The following MUTYH variants were observed in gnomAD, a reference collection of about 807,000 sequenced individuals.
MUTYH encodes adenine DNA glycosylase.
A neutral mutation model predicts 72.9 loss-of-function variants in MUTYH; 64 were observed. That is an observed-to-expected ratio of 0.88 (90% CI 0.72 to 1.08). The LOEUF is 1.08. Among genes scored for constraint, MUTYH ranks in the 50% least tolerant of loss-of-function variants. MUTYH has a pLI of 0.00. For missense variants in MUTYH, 633 were observed against 671.0 expected, an observed-to-expected ratio of 0.94 and a Z score of 0.63; for synonymous variants, 234 against 263.1, an observed-to-expected ratio of 0.89 and a Z score of 1.07.
rs151196169 is a variant in MUTYH at position 45,329,341 on chromosome 1, T to A, written c.1531A>T (p.Thr511Ser). Residue 511 changes from threonine to serine, a missense_variant, in exon 16 of 16, where the codon ACT becomes TCT. Transcript: ENST00000456914. ...GCACTGTTGAGGCTGTGTGCATCAG[T>A]GGAGATGTGAGACCGAAAGAAATTA... ...LDNFFRSHIS[T>S]DAHSLNSAAQ 6.2e-7 allele frequency: 1 copy of A among 1,614,108 alleles called. No individual in the cohort carries two copies. Among genetic ancestry groups the A allele is most frequent in the South Asian group, 1.1e-5 (1 of 91,084 alleles).
At chr1:45,329,458 G>T in intron 15 of MUTYH, 21 bp from the exon 16 acceptor site, 1 of 1,613,654 alleles carries the variant, frequency 6.2e-7, no homozygotes, top group South Asian at 1.1e-5. Flanking sequence ...ATGGAAGGAG[G>T]GAGGCCTTGT....
chr1:45,338,387 CTGTT>C (rs1157651118), intron 1 of MUTYH: 15 of 451,750 alleles, frequency 3.3e-5, no homozygotes, highest in African/African-American at 2.9e-4. Context: ...TCCATTTCCT[CTGTT>C]TGGACTCTTT....
chr1:45,331,241 C>T lies in MUTYH; in HGVS notation c.1333G>A (p.Ala445Thr), dbSNP rs192816572. 1.4e-4 allele frequency: 231 copies of T among 1,614,224 alleles called. No individual in the cohort carries two copies. Among genetic ancestry groups the T allele is most frequent in the Non-Finnish European group, 1.9e-4 (221 of 1,180,056 alleles). Residue 445 changes from alanine (A) to threonine (T), a missense_variant, in exon 14 of 16, where the codon GCT becomes ACT. By Grantham distance (58) the Ala-to-Thr change is moderately conservative (BLOSUM62 0). Transcript: ENST00000456914. ...AATTCCTCCTGCGTCAGCCAGCGAG[C>T]ACCTGGTGGTACGGTGGTCACTGGG... Reference protein sequence around the residue: ...QTPVTTVPPGARWLTQEEFHT... With the variant: ...QTPVTTVPPGTRWLTQEEFHT...
chr1:45,334,541 C>A, intron 1 of MUTYH, 30 bp from the exon 2 acceptor site: 3 of 1,613,738 alleles, frequency 1.9e-6, no homozygotes, highest in South Asian at 1.1e-5. Flanking sequence ...CCAAAGCAGT[C>A]AGTCACAATG....
Position 45,331,321 on chromosome 1 carries a change from A to T in MUTYH, c.1253T>A (p.Phe418Tyr), listed in dbSNP as rs775654698. 1 of 1,614,154 alleles carries T rather than the reference A, an allele frequency of 6.2e-7. No individual in the cohort carries two copies. Among genetic ancestry groups the T allele is most frequent in the Non-Finnish European group, 8.5e-7 (1 of 1,180,024 alleles). Residue 418 changes from phenylalanine (F) to tyrosine (Y), a missense_variant, in exon 14 of 16, where the codon TTC becomes TAC. Physicochemically the swap from Phe to Tyr is conservative, Grantham distance 22. Transcript: ENST00000456914. ...TTGATATGTCAGCTTGATGTGAGAGAAGGTGTGGACAACCTGGAGGAAGGG... is the reference window on the plus strand; with the variant it reads ...TTGATATGTCAGCTTGATGTGAGAGTAGGTGTGGACAACCTGGAGGAAGGG... ...LRHLGEVVHT[F>Y]SHIKLTYQVY...
chr1:45,335,371 C>T (rs1031310955), intron 1 of MUTYH, among the ~76,000 whole-genome samples: 1 of 152,118 alleles, frequency 6.6e-6, no homozygotes, highest in Non-Finnish European at 1.5e-5. Context: ...AAAATGCAGT[C>T]CCTGCTAAGC....
intron 1 of MUTYH, among the ~76,000 whole-genome samples, chr1:45,337,922 T>C (rs1022951732): frequency 4.6e-5 from 7 of 152,080 alleles, no homozygotes; most frequent in African/African-American, 1.7e-4. Flanking sequence ...AGGTGATAAA[T>C]ATTAGCATAA....
At chr1:45,329,614 C>T (rs778297732) in intron 15 of MUTYH, among the ~76,000 whole-genome samples, 177 bp from the exon 16 acceptor site, 12 of 152,198 alleles carry the variant, frequency 7.9e-5, no homozygotes, top group Non-Finnish European at 1.3e-4. Context: ...CTCCAAAAGG[C>T]TGCCTGAGGG....
At chr1:45,336,940 TCAG>T (rs1194529226) in intron 1 of MUTYH, among the ~76,000 whole-genome samples, 2 of 152,194 alleles carry the variant, frequency 1.3e-5, no homozygotes, top group Non-Finnish European at 2.9e-5. Flanking sequence ...AGCTGATTTT[TCAG>T]CAGATCTTCA....
In MUTYH at chr1:45,333,435, C is replaced by G. The variant is rs761763725; in HGVS notation, c.242G>C (p.Arg81Pro). 4.3e-6 allele frequency: 7 copies of G among 1,614,090 alleles called. No homozygotes were observed. The highest frequency in any genetic ancestry group is 2.2e-5 in the East Asian group (1 of 44,898). ...SLLSWYDQEK[R>P]DLPWRRRAED... ...TACCCGTCTTCTCCATGGTAGGTCC[C>G]GTTTCTCTTGGTCGTACCAGCTTAG... The change falls in exon 3 of 16, where the codon CGG becomes CCG. Residue 81 changes from arginine to proline, a missense_variant. Transcript: ENST00000456914.
chr1:45,331,514 T>TCC lies in MUTYH; in HGVS notation c.1143_1144dup (p.Glu382GlyfsTer43), dbSNP rs587780078. On this transcript the variant is annotated frameshift_variant, in exon 13 of 16. Transcript: ENST00000456914. LOFTEE classifies it high-confidence loss of function. ...CTTGCGCTGAAGCTGCTCTGAGGGC[T>TCC]CCCAGGTCACGGACGGGAACTCCCA... 6.9e-5 allele frequency: 112 copies of TCC among 1,613,984 alleles called. No individual in the cohort carries two copies. The Middle Eastern group carries it at 9.9e-4, about 14-fold the overall frequency.
In MUTYH at chr1:45,332,429, A is replaced by G. The variant is rs377593954; in HGVS notation, c.666T>C (p.Gly222=). The change falls in exon 9 of 16, where the codon GGT becomes GGC. Residue 222 remains glycine, a synonymous_variant. Coordinates refer to ENST00000456914, the MANE Select transcript of MUTYH (RefSeq NM_001048174.2). ...ARVLCRVRAI[G]ADPSSTLVSQ... ...AAACAAGGGTGCTGCTGGGATCAGC[A>G]CCAATGGCTCGGACACGGCACAGCA... is the stretch of plus-strand genomic sequence containing the variant. 6.2e-7 allele frequency: 1 copy of G among 1,614,186 alleles called. No homozygotes were observed. Among genetic ancestry groups the G allele is most frequent in the African/African-American group, 1.3e-5 (1 of 75,062 alleles).
Position 45,339,891 on chromosome 1 carries a change from C to A in MUTYH, c.-7+8G>T, listed in dbSNP as rs764439480. ...AAGCCCAAACCCAGCCACCCCACTA[C>A]CCGCTACCCGCGGCCCACGCTGATG... On this transcript the variant is annotated splice_region_variant and intron_variant, in intron 1 of 15. Coordinates refer to ENST00000456914, the MANE Select transcript of MUTYH (RefSeq NM_001048174.2). The A allele has an allele frequency of 2.1e-6, 3 of 1,401,032 alleles. No individual in the cohort carries two copies. The highest frequency in any genetic ancestry group is 3.6e-5 in the East Asian group (1 of 27,476). The allele number at this position is 1,401,032 out of a possible 1,614,324, so 86.8% of individuals were successfully genotyped here.
chr1:45,333,018 C>T, intron 5 of MUTYH, 59 bp from the exon 6 acceptor site: 8 of 1,612,242 alleles, frequency 5.0e-6, no homozygotes, highest in Non-Finnish European at 6.8e-6. Context: ...TAGAGGAAGC[C>T]TTCTCTACAC....
In MUTYH at chr1:45,333,606, G is replaced by A. The variant is rs781532437; in HGVS notation, c.116-45C>T. The A allele has an allele frequency of 1.9e-6, 3 of 1,602,878 alleles. No individual in the cohort carries two copies. Among genetic ancestry groups the A allele is most frequent in the Non-Finnish European group, 8.5e-7 (1 of 1,173,190 alleles). The stretch of plus-strand genomic sequence containing the variant: ...CTCAGCAATCATCCCTGCACAGGCT[G>A]TGCATCAGGGTCTTGGGACACAGCA... On this transcript the variant is annotated intron_variant, in intron 2 of 15. Coordinates refer to ENST00000456914, the MANE Select transcript of MUTYH (RefSeq NM_001048174.2).
Position 45,329,389 on chromosome 1 carries a change from G to A in MUTYH, c.1483C>T (p.Arg495Cys), listed in dbSNP as rs147480076. 8.4e-5 allele frequency: 135 copies of A among 1,614,048 alleles called. No individual in the cohort carries two copies. Among genetic ancestry groups the A allele is most frequent in the Admixed American group, 3.5e-4 (21 of 60,004 alleles). Residue 495 changes from arginine (R) to cysteine (C), a missense_variant, in exon 16 of 16, where the codon CGC becomes TGC. By Grantham distance (180) the Arg-to-Cys change is radical. Coordinates refer to ENST00000456914, the MANE Select transcript of MUTYH (RefSeq NM_001048174.2). ...VSSPCSRKKPRMGQQVLDNFF... is the reference protein window; with the variant it reads ...VSSPCSRKKPCMGQQVLDNFF... ...TTATCCAGGACTTGCTGGCCCATGC[G>A]GGGCTTTTTCCGACTGCACGGAGAG...
chr1:45,329,425 A>C lies in MUTYH; in HGVS notation c.1447T>G (p.Ser483Ala). The change falls in exon 16 of 16, where the codon TCC becomes GCC. Residue 483 changes from serine (S) to alanine (A), a missense_variant. Physicochemically the swap from Ser to Ala is moderately conservative, Grantham distance 99. Transcript: ENST00000456914. ...QPGTCMGSKR[S>A]QVSSPCSRKK... ...CGACTGCACGGAGAGGACACCTGGG[A>C]CCTTTTGGAACCCTGTGAAAAAATG... 1 of 1,613,946 alleles carries C rather than the reference A, an allele frequency of 6.2e-7. No homozygotes were observed. The highest frequency in any genetic ancestry group is 8.5e-7 in the Non-Finnish European group (1 of 1,179,986).
rs760889663 is a variant in MUTYH, at chr1:45,332,195, C to T, written c.820G>A (p.Val274Met). 3 of 1,614,226 alleles carry T rather than the reference C, an allele frequency of 1.9e-6. No individual in the cohort carries two copies. Among genetic ancestry groups the T allele is most frequent in the Non-Finnish European group, 2.5e-6 (3 of 1,180,028 alleles). The stretch of plus-strand genomic sequence containing the variant: ...TGGCGTGCCCGGCACAGGCTCTCCA[C>T]AGGGCACTGGCTGCACAGTGGGCGC... The part of the protein sequence containing the change: ...PQRPLCSQCP[V>M]ESLCRARQRV... Residue 274 changes from valine to methionine, a missense_variant, in exon 10 of 16, where the codon GTG becomes ATG. Physicochemically the swap from Val to Met is conservative, Grantham distance 21. Transcript: ENST00000456914.
chr1:45,329,372 G>A lies in MUTYH; in HGVS notation c.1500C>T (p.Val500=), dbSNP rs876658222. 6.2e-7 allele frequency: 1 copy of A among 1,614,198 alleles called. No individual in the cohort carries two copies. Among genetic ancestry groups the A allele is most frequent in the Non-Finnish European group, 8.5e-7 (1 of 1,180,030 alleles). ...TGTGAGACCGAAAGAAATTATCCAG[G>A]ACTTGCTGGCCCATGCGGGGCTTTT... ...SRKKPRMGQQ[V]LDNFFRSHIS... The change falls in exon 16 of 16, where the codon GTC becomes GTT. Residue 500 remains valine, a synonymous_variant. Coordinates refer to ENST00000456914, the MANE Select transcript of MUTYH (RefSeq NM_001048174.2).
Sources: gnomAD v4.1 joint callset for allele counts (sites outside exome capture counted in the v4.1 genomes callset) on GRCh38, gnomAD v4.1.1 for gene constraint, MANE v1.5 for transcripts, NCBI Gene and HGNC (gene_info 2026-07-23, HGNC 2026-07-21) for gene names.